Variants in HNF4G observed in about 807,000 individuals in gnomAD.
The protein encoded by HNF4G is hepatocyte nuclear factor 4-gamma.
In HNF4G, 21 loss-of-function variants were observed where a neutral mutation model predicts 50.9. The observed-to-expected ratio is 0.41, with a 90% CI of 0.29 to 0.59. The LOEUF (loss-of-function observed/expected upper bound fraction) is 0.59, where lower values mean the gene tolerates loss of function less well. HNF4G is among the 20% of genes least tolerant of loss of function. HNF4G has a pLI of 0.26. For missense variants in HNF4G, 527 were observed against 559.4 expected (o/e 0.94, Z 0.58); for synonymous variants, 198 against 185.6 (o/e 1.07, Z -0.54).
intron 1 of HNF4G, among the ~76,000 whole-genome samples, chr8:75,483,698 C>A (rs796578535): frequency 9.2e-5 from 14 of 152,272 alleles, no homozygotes; most frequent in African/African-American, 3.4e-4. Context: ...GGTCCGCTCT[C>A]TTAAAACTGA....
intron 2 of HNF4G, among the ~76,000 whole-genome samples, chr8:75,501,573 G>T (rs1301337096): frequency 6.6e-6 from 1 of 152,104 alleles, no homozygotes; most frequent in Admixed American, 6.5e-5. Flanking sequence ...TTGTTGAAGA[G>T]ATTTTGTTCA....
intron 2 of HNF4G, among the ~76,000 whole-genome samples, chr8:75,524,719 A>C (rs763743301): frequency 1.3e-5 from 2 of 152,312 alleles, no homozygotes; most frequent in Non-Finnish European, 2.9e-5. Flanking sequence ...GACAAGGGGA[A>C]TGAATAGTTA....
chr8:75,494,543 G>A (rs552497174), intron 2 of HNF4G, among the ~76,000 whole-genome samples: 9 of 152,120 alleles, frequency 5.9e-5, no homozygotes, highest in South Asian at 2.1e-4. Flanking sequence ...TTTATTGAAC[G>A]TAATAAATAA....
chr8:75,408,340 G>A (rs890633871), intron 1 of HNF4G, among the ~76,000 whole-genome samples: 9 of 152,128 alleles, frequency 5.9e-5, no homozygotes, highest in Admixed American at 2.0e-4. Flanking sequence ...TGATTCCCAG[G>A]TCTCTGGGGG....
chr8:75,477,630 A>G (rs73343092), intron 1 of HNF4G, among the ~76,000 whole-genome samples: 2,349 of 152,004 alleles, frequency 0.015, 64 homozygotes, highest in African/African-American at 0.054. Flanking sequence ...ATTTCTTTGT[A>G]TTACTATTTG....
chr8:75,455,074 A>C (rs1438226320), intron 1 of HNF4G, among the ~76,000 whole-genome samples: 1 of 152,172 alleles, frequency 6.6e-6, no homozygotes, highest in East Asian at 1.9e-4. Context: ...TAAATAATAC[A>C]TTCATTAAAT....
chr8:75,497,470 G>T (rs1812801393), intron 2 of HNF4G, among the ~76,000 whole-genome samples: 1 of 152,184 alleles, frequency 6.6e-6, no homozygotes, highest in Admixed American at 6.5e-5. Flanking sequence ...CAGATCACGA[G>T]GTCAGGAGTT....
chr8:75,538,211 A>G (rs57525159), upstream of HNF4G, among the ~76,000 whole-genome samples: 8,401 of 152,256 alleles, frequency 0.055, 287 homozygotes, highest in African/African-American at 0.078. Context: ...CTTGAATGCC[A>G]ACTCTGATTA....
At chr8:75,486,225 C>T (rs1010133941) in intron 1 of HNF4G, among the ~76,000 whole-genome samples, 1 of 152,210 alleles carries the variant, frequency 6.6e-6, no homozygotes, top group African/African-American at 2.4e-5. Context: ...ACTAGCTGTC[C>T]TTCCTAAGGA....
chr8:75,433,965 C>CAAA (rs959025199), intron 1 of HNF4G, among the ~76,000 whole-genome samples: 9 of 146,710 alleles, frequency 6.1e-5, no homozygotes, highest in Middle Eastern at 3.5e-3. Context: ...GTTTGAAAAT[C>CAAA]AAAAATAGAC....
chr8:75,457,705 C>G (rs1811754376), intron 1 of HNF4G, among the ~76,000 whole-genome samples: 4 of 152,070 alleles, frequency 2.6e-5, no homozygotes, highest in Admixed American at 2.6e-4. Context: ...TGTGGAATAT[C>G]TAGGGCAGGC....
At chr8:75,546,690 T>C (rs1192002179) in intron 2 of HNF4G, among the ~76,000 whole-genome samples, 1 of 152,192 alleles carries the variant, frequency 6.6e-6, no homozygotes, top group Non-Finnish European at 1.5e-5. Flanking sequence ...TTATAGCATT[T>C]ATCAGTACTT....
At chr8:75,561,039 C>A (rs1214794494) in intron 9 of HNF4G, among the ~76,000 whole-genome samples, 1 of 152,040 alleles carries the variant, frequency 6.6e-6, no homozygotes, top group Non-Finnish European at 1.5e-5. Context: ...TTGTCACCTT[C>A]TGAAACTTAC....
At chr8:75,540,849 G>GCA (rs887860703) in intron 1 of HNF4G, among the ~76,000 whole-genome samples, 33 of 125,420 alleles carry the variant, frequency 2.6e-4, no homozygotes, top group Non-Finnish European at 5.2e-4. Flanking sequence ...TGGAAAATGT[G>GCA]TATGTGTGTG....
rs545907257 is a variant in HNF4G at position 75,564,318 on chromosome 8, A to C, written c.*222A>C. ...TGTATATCTGAGTTTGAAGATGTTT[A>C]TATAGGGTATTTTTTCCAACTGCCC... On this transcript the variant is annotated 3_prime_UTR_variant, in exon 10 of 10. Transcript: ENST00000396423. The C allele has an allele frequency of 2.4e-5, 11 of 454,650 alleles. No individual in the cohort carries two copies. In the Admixed American group the frequency reaches 4.3e-4, roughly 18 times the overall value. The allele number at this position is 454,650 out of a possible 1,614,324, so 28.2% of individuals were successfully genotyped here.
intron 1 of HNF4G, among the ~76,000 whole-genome samples, chr8:75,464,195 A>T: frequency 6.6e-6 from 1 of 151,464 alleles, no homozygotes; most frequent in Non-Finnish European, 1.5e-5. Flanking sequence ...AACCTAGGGC[A>T]CTCATGGGAA....
At chr8:75,478,711 C>T (rs1333771801) in intron 1 of HNF4G, among the ~76,000 whole-genome samples, 6 of 151,828 alleles carry the variant, frequency 4.0e-5, no homozygotes, top group Non-Finnish European at 8.8e-5. Context: ...AGCTACGCAT[C>T]TTTTCTTTTT....
At chr8:75,551,955 A>G (rs1372999825) in intron 4 of HNF4G, among the ~76,000 whole-genome samples, 1 of 152,182 alleles carries the variant, frequency 6.6e-6, no homozygotes, top group Non-Finnish European at 1.5e-5. Flanking sequence ...GAATTCAGAA[A>G]ACACAGAAGA....
Position 75,416,570 on chromosome 8 carries a change from G to A in HNF4G, c.-144+8408G>A, listed in dbSNP as rs539397145. ...AAAATGCTGTACCCTTAAAAGGAAG[G>A]TAAAAATGATTTTAATAGTAATTAT... On this transcript the variant is annotated intron_variant, in intron 1 of 10. Transcript: ENST00000354370. Among the ~76,000 whole-genome samples, 6 of 152,148 alleles carry A rather than the reference G, an allele frequency of 3.9e-5. No homozygotes were observed. The East Asian group carries it at 7.7e-4, about 20-fold the overall frequency.
Sources: gnomAD v4.1 joint callset for allele counts (sites outside exome capture counted in the v4.1 genomes callset) on GRCh38, gnomAD v4.1.1 for gene constraint, MANE v1.5 for transcripts, NCBI Gene and HGNC (gene_info 2026-07-23, HGNC 2026-07-21) for gene names.